Variants in KHDRBS2 observed in about 807,000 individuals in gnomAD.
KHDRBS2 encodes KH domain-containing, RNA-binding, signal transduction-associated protein 2.
A neutral mutation model predicts 44.3 loss-of-function variants in KHDRBS2; 26 were observed. The ratio of observed to expected loss-of-function variants is 0.59; its 90% CI spans 0.43 to 0.81. The LOEUF (loss-of-function observed/expected upper bound fraction) is 0.81, where lower values mean the gene tolerates loss of function less well. Ranked by LOEUF, KHDRBS2 falls within the 40% of genes least tolerant of loss-of-function variation. KHDRBS2 has a pLI of 0.00. For synonymous variants in KHDRBS2, 194 were observed against 151.1 expected (o/e 1.28, Z -2.08); for missense variants, 476 against 433.1 (o/e 1.10, Z -0.88).
In KHDRBS2 at chr6:61,697,270, T is replaced by C. The variant is rs769880445; in HGVS notation, c.894-17A>G. 11 of 1,529,214 alleles carry C rather than the reference T, an allele frequency of 7.2e-6. No homozygotes were observed. Among genetic ancestry groups the C allele is most frequent in the Non-Finnish European group, 1.0e-5 (11 of 1,103,216 alleles). 94.7% of individuals were successfully genotyped at this position (1,529,214 alleles called of 1,614,324 possible). A position where few individuals can be genotyped will look rare whatever the true frequency, so the allele number is the denominator to read the frequency against. On this transcript the variant is annotated splice_polypyrimidine_tract_variant and intron_variant, in intron 7 of 8. Transcript: ENST00000281156. ...TCAGGCACACTGCAACAAATTTAGA[T>C]AGCAATCAATGTTACTATAACCAGG...
At chr6:62,269,171 C>A (rs1385158197) in intron 1 of KHDRBS2, among the ~76,000 whole-genome samples, 1 of 152,032 alleles carries the variant, frequency 6.6e-6, no homozygotes, top group Non-Finnish European at 1.5e-5. Context: ...TTGAGAATAA[C>A]TCTGTGACCT....
chr6:62,093,294 A>AT (rs1378202951), intron 2 of KHDRBS2, among the ~76,000 whole-genome samples: 2 of 151,936 alleles, frequency 1.3e-5, no homozygotes, highest in African/African-American at 4.8e-5. Context: ...AAATCCAAGA[A>AT]TAAAATTTAT....
Position 62,091,798 on chromosome 6 carries a change from G to C in KHDRBS2, c.220-43804C>G, listed in dbSNP as rs554465088. On this transcript the variant is annotated intron_variant, in intron 2 of 8. Transcript: ENST00000281156. ...GAGTCCTTGGACAAATTACTTAATG[G>C]AATACTGTTGTTTGTTGAACTATAA... 7.2e-5 allele frequency among the ~76,000 whole-genome samples: 11 copies of C among 152,222 alleles called. No homozygotes were observed. The South Asian group carries it at 2.1e-3, about 29-fold the overall frequency.
the KHDRBS2 span, among the ~76,000 whole-genome samples, chr6:61,568,951 A>G: frequency 1.8e-5 from 2 of 114,110 alleles, no homozygotes; most frequent in Non-Finnish European, 3.9e-5. Flanking sequence ...TACTGCAGAT[A>G]TAAGCATAGG....
At chr6:61,581,268 G>C in the KHDRBS2 span, among the ~76,000 whole-genome samples, 4 of 152,106 alleles carry the variant, frequency 2.6e-5, no homozygotes, top group African/African-American at 9.7e-5. Flanking sequence ...TTGGATGCTT[G>C]TGTTCTTTTT....
At chr6:61,993,204 A>G (rs1776468884) in intron 3 of KHDRBS2, among the ~76,000 whole-genome samples, 1 of 152,114 alleles carries the variant, frequency 6.6e-6, no homozygotes, top group Admixed American at 6.6e-5. Context: ...GTTGGCACAC[A>G]TCTTATTTCA....
chr6:61,919,398 AT>A (rs2127357968), intron 4 of KHDRBS2, among the ~76,000 whole-genome samples: 1 of 152,020 alleles, frequency 6.6e-6, no homozygotes, highest in South Asian at 2.1e-4. Flanking sequence ...AAAATGGGCA[AT>A]AAATGACAGT....
intron 2 of KHDRBS2, among the ~76,000 whole-genome samples, chr6:62,093,588 C>T (rs1419838324): frequency 6.6e-6 from 1 of 151,806 alleles, no homozygotes; most frequent in Non-Finnish European, 1.5e-5. Context: ...AATGGAACAC[C>T]AGAATTTATT....
chr6:62,157,012 AAATT>A (rs1816588057), intron 2 of KHDRBS2, among the ~76,000 whole-genome samples: 2 of 151,322 alleles, frequency 1.3e-5, no homozygotes, highest in South Asian at 4.2e-4. Context: ...TGACAACATG[AAATT>A]AATACTTTTT....
At chr6:61,763,243 T>C (rs1253795121) in intron 6 of KHDRBS2, among the ~76,000 whole-genome samples, 1 of 152,178 alleles carries the variant, frequency 6.6e-6, no homozygotes, top group Non-Finnish European at 1.5e-5. Context: ...ACTAGAGTGT[T>C]CTTCCACCTT....
intron 3 of KHDRBS2, among the ~76,000 whole-genome samples, chr6:61,987,565 G>T (rs1020352243): frequency 6.6e-5 from 10 of 151,988 alleles, no homozygotes; most frequent in African/African-American, 2.2e-4. Context: ...TAAATCTATT[G>T]TCTGCACAGC....
At chr6:62,110,107 C>A (rs1804656649) in intron 2 of KHDRBS2, among the ~76,000 whole-genome samples, 1 of 151,918 alleles carries the variant, frequency 6.6e-6, no homozygotes, top group African/African-American at 2.4e-5. Context: ...GAAAATATTT[C>A]CAAAGCATAT....
At chr6:61,976,957 G>T (rs1056827307) in intron 4 of KHDRBS2, among the ~76,000 whole-genome samples, 77 of 152,104 alleles carry the variant, frequency 5.1e-4, no homozygotes, top group African/African-American at 1.7e-3. Context: ...AATTCAGTGT[G>T]CATATGAAGT....
intron 2 of KHDRBS2, among the ~76,000 whole-genome samples, chr6:62,174,023 A>G (rs1820606711): frequency 6.6e-6 from 1 of 151,758 alleles, no homozygotes; most frequent in African/African-American, 2.4e-5. Context: ...CTCTCTCACT[A>G]CTCATATTCA....
the KHDRBS2 span, among the ~76,000 whole-genome samples, chr6:61,552,902 A>G: frequency 9.9e-5 from 15 of 152,108 alleles, no homozygotes; most frequent in Non-Finnish European, 1.9e-4. Flanking sequence ...TGGTTTGCTA[A>G]TATTTTACTG....
chr6:62,196,220 A>G (rs1339338769), intron 1 of KHDRBS2, among the ~76,000 whole-genome samples: 1 of 152,188 alleles, frequency 6.6e-6, no homozygotes, highest in African/African-American at 2.4e-5. Flanking sequence ...TCTCCTATAG[A>G]ATAAGTTGAA....
At chr6:61,989,901 T>C (rs572807049) in intron 3 of KHDRBS2, among the ~76,000 whole-genome samples, 13 of 152,218 alleles carry the variant, frequency 8.5e-5, no homozygotes, top group African/African-American at 2.6e-4. Flanking sequence ...GCTTTCCAAG[T>C]CTCAACTAGT....
intron 3 of KHDRBS2, among the ~76,000 whole-genome samples, chr6:62,036,292 T>G (rs982277337): frequency 6.6e-6 from 1 of 152,014 alleles, no homozygotes; most frequent in African/African-American, 2.4e-5. Flanking sequence ...AGAGGCCATA[T>G]TATAATGAAC....
At chr6:61,962,037 C>A (rs1371257068) in intron 4 of KHDRBS2, among the ~76,000 whole-genome samples, 1 of 151,886 alleles carries the variant, frequency 6.6e-6, no homozygotes, top group Non-Finnish European at 1.5e-5. Context: ...ATGAAAAATA[C>A]TCTAGGAAAG....
Sources: allele counts gnomAD v4.1 joint callset (sites outside exome capture counted in the v4.1 genomes callset), GRCh38; gene constraint gnomAD v4.1.1; transcripts MANE v1.5; gene names NCBI Gene and HGNC (gene_info 2026-07-23, HGNC 2026-07-21).